SLCO6A1: variants seen among roughly 807,000 people sequenced by gnomAD.
The protein encoded by SLCO6A1 is cancer/testis antigen 48.
SLCO6A1 carries 65 observed loss-of-function variants against 72.7 expected under a neutral mutation model. The ratio of observed to expected loss-of-function variants is 0.89; its 90% confidence interval spans 0.73 to 1.10. SLCO6A1 has a LOEUF of 1.10. Ranked by LOEUF, SLCO6A1 falls within the 50% of genes least tolerant of loss-of-function variation. The pLI, the probability that SLCO6A1 is intolerant of heterozygous loss-of-function variation, is 0.00. For synonymous variants in SLCO6A1, 314 were observed against 298.2 expected, an observed-to-expected ratio of 1.05 and a Z score of -0.55; for missense variants, 874 against 872.6, an observed-to-expected ratio of 1.00 and a Z score of -0.02.
intron 6 of SLCO6A1, among the ~76,000 whole-genome samples, chr5:102,456,789 T>C (rs1230959681): frequency 6.6e-5 from 10 of 152,012 alleles, no homozygotes; most frequent in Non-Finnish European, 1.5e-4. Context: ...GAGCCCTCAT[T>C]GCCAAGACAA....
intron 4 of SLCO6A1, among the ~76,000 whole-genome samples, chr5:102,464,640 G>A (rs1751220152): frequency 6.6e-6 from 1 of 152,172 alleles, no homozygotes; most frequent in Non-Finnish European, 1.5e-5. Context: ...GGCAAGAGGA[G>A]ACAGAAGTTA....
At chr5:102,422,071 C>T (rs1033181054) in intron 7 of SLCO6A1, among the ~76,000 whole-genome samples, 2 of 152,172 alleles carry the variant, frequency 1.3e-5, no homozygotes, top group Admixed American at 6.5e-5. Context: ...AAAGCAATAA[C>T]ATCAACATCC....
chr5:102,394,683 T>G (rs1055609129), intron 10 of SLCO6A1, among the ~76,000 whole-genome samples: 1 of 152,070 alleles, frequency 6.6e-6, no homozygotes, highest in Admixed American at 6.6e-5. Context: ...AAAAAGATAT[T>G]AAGAATATAT....
intron 7 of SLCO6A1, among the ~76,000 whole-genome samples, chr5:102,434,121 C>A (rs903040613): frequency 1.3e-5 from 2 of 151,698 alleles, no homozygotes; most frequent in African/African-American, 4.8e-5. Flanking sequence ...TGGGTGAAAA[C>A]TTTCTGTATA....
chr5:102,404,773 G>A (rs532312223), intron 9 of SLCO6A1, among the ~76,000 whole-genome samples: 60 of 152,144 alleles, frequency 3.9e-4, no homozygotes, highest in Admixed American at 9.2e-4. Flanking sequence ...AAGTTTTGTG[G>A]GAGAACACTA....
chr5:102,434,028 G>T (rs1438272893), intron 7 of SLCO6A1, among the ~76,000 whole-genome samples: 3 of 151,880 alleles, frequency 2.0e-5, no homozygotes, highest in Admixed American at 2.0e-4. Context: ...AGTGCCTCTT[G>T]TTAGTAACAT....
chr5:102,422,898 G>C (rs185750163), intron 7 of SLCO6A1, among the ~76,000 whole-genome samples: 11 of 151,616 alleles, frequency 7.3e-5, no homozygotes, highest in Admixed American at 6.6e-5. Context: ...ACCTACTAAG[G>C]GAAGCCCATC....
At chr5:102,480,028 T>G (rs940171133) in intron 2 of SLCO6A1, 149 bp downstream of exon 2, 2 of 696,204 alleles carry the variant, frequency 2.9e-6, no homozygotes, top group African/African-American at 3.6e-5. Context: ...ATGCTACAAT[T>G]AGTTAATTAG....
chr5:102,425,161 T>A (rs1383096218), intron 7 of SLCO6A1, among the ~76,000 whole-genome samples: 1 of 152,124 alleles, frequency 6.6e-6, no homozygotes, highest in Non-Finnish European at 1.5e-5. Flanking sequence ...ACAGCTAATA[T>A]CATACTGAAT....
At chr5:102,437,534 C>T (rs903973228) in intron 7 of SLCO6A1, among the ~76,000 whole-genome samples, 6 of 152,090 alleles carry the variant, frequency 3.9e-5, no homozygotes, top group Admixed American at 2.6e-4. Context: ...TTACTCCTCA[C>T]ATTCTGCTGA....
chr5:102,402,001 G>T (rs1747422836), intron 9 of SLCO6A1, among the ~76,000 whole-genome samples: 1 of 151,918 alleles, frequency 6.6e-6, no homozygotes, highest in Non-Finnish European at 1.5e-5. Flanking sequence ...TACAACGAAG[G>T]GTTCATGAAC....
rs1554073038 is a variant in SLCO6A1 at position 102,453,350 on chromosome 5, A to AAAG, written c.1131+5031_1131+5032insCTT. 1.8e-3 allele frequency among the ~76,000 whole-genome samples: 279 copies of AAAG among 151,556 alleles called. 1 individual carries two copies. The highest frequency in any genetic ancestry group is 6.5e-3 in the African/African-American group (265 of 41,054). ...GAGACCCTGCCTCAAAAAAAAAAAA[A>AAAG]AAAGAAAGAAAGAAAGGAAAAAAGC... is the stretch of plus-strand genomic sequence containing the variant. On this transcript the variant is annotated intron_variant, in intron 6 of 13. Coordinates refer to ENST00000506729, the MANE Select transcript of SLCO6A1 (RefSeq NM_173488.5).
At chr5:102,482,411 C>T (rs145254492) in intron 1 of SLCO6A1, among the ~76,000 whole-genome samples, 67 of 152,234 alleles carry the variant, frequency 4.4e-4, no homozygotes, top group Non-Finnish European at 7.8e-4. Context: ...AGTTGATATT[C>T]ATAGCTTCCT....
At chr5:102,382,990 A>ATG (rs1746198520) in intron 12 of SLCO6A1, among the ~76,000 whole-genome samples, 1 of 145,502 alleles carries the variant, frequency 6.9e-6, no homozygotes, top group Non-Finnish European at 1.5e-5. Context: ...AGATATATAT[A>ATG]TGTGTATATA....
At chr5:102,455,882 T>C (rs937749202) in intron 6 of SLCO6A1, among the ~76,000 whole-genome samples, 4 of 152,234 alleles carry the variant, frequency 2.6e-5, no homozygotes, top group African/African-American at 7.2e-5. Context: ...CCGAATCCAT[T>C]AGCACATCAA....
At chr5:102,412,232 A>G (rs1244343530) in intron 9 of SLCO6A1, among the ~76,000 whole-genome samples, 1 of 150,918 alleles carries the variant, frequency 6.6e-6, no homozygotes. Context: ...AATGTATTTG[A>G]CTGATGTCTC....
intron 7 of SLCO6A1, among the ~76,000 whole-genome samples, chr5:102,435,735 C>A (rs1376062076): frequency 6.6e-6 from 1 of 151,992 alleles, no homozygotes; most frequent in Non-Finnish European, 1.5e-5. Context: ...ATTAGCTGGG[C>A]GTGGTGGTGC....
At chr5:102,494,151 C>T (rs1306921422) in intron 1 of SLCO6A1, among the ~76,000 whole-genome samples, 1 of 152,018 alleles carries the variant, frequency 6.6e-6, no homozygotes, top group Non-Finnish European at 1.5e-5. Context: ...AGAACTTCCA[C>T]AAAAGTATCA....
chr5:102,478,695 T>C (rs1752036930), intron 2 of SLCO6A1, among the ~76,000 whole-genome samples: 1 of 152,192 alleles, frequency 6.6e-6, no homozygotes, highest in Admixed American at 6.5e-5. Flanking sequence ...TGTAGATTGT[T>C]AGATCCAGGC....
Sources: allele counts gnomAD v4.1 joint callset (sites outside exome capture counted in the v4.1 genomes callset), GRCh38; gene constraint gnomAD v4.1.1; transcripts MANE v1.5; gene names NCBI Gene and HGNC (gene_info 2026-07-23, HGNC 2026-07-21).